The following SLC16A12 variants were observed in gnomAD, a reference collection of about 807,000 sequenced individuals.
The protein encoded by SLC16A12 is monocarboxylate transporter 12.
In SLC16A12, 17 loss-of-function variants were observed where a neutral mutation model predicts 42.4. The ratio of observed to expected loss-of-function variants is 0.40; its 90% CI spans 0.27 to 0.60. The LOEUF (loss-of-function observed/expected upper bound fraction) is 0.60, where lower values mean the gene tolerates loss of function less well. Ranked by LOEUF, SLC16A12 falls within the 20% of genes least tolerant of loss-of-function variation. The pLI is 0.42. For missense variants in SLC16A12, 544 were observed against 623.0 expected (o/e 0.87, Z 1.35); for synonymous variants, 224 against 229.4 (o/e 0.98, Z 0.21).
Position 89,535,055 on chromosome 10 carries a change from A to G in SLC16A12, c.-187+387T>C, listed in dbSNP as rs149881431. On this transcript the variant is annotated intron_variant, in intron 1 of 7. Coordinates refer to ENST00000371790, the MANE Select transcript of SLC16A12 (RefSeq NM_213606.4). The stretch of plus-strand genomic sequence containing the variant: ...GTTTTTAATATAGCACACACGGGAA[A>G]TAAATATTATTGTCTGAGGTGGGGG... Among the ~76,000 whole-genome samples the G allele has an allele frequency of 8.1e-3, 1,228 of 152,272 alleles. 15 individuals carry two copies. The highest frequency in any genetic ancestry group is 0.028 in the African/African-American group (1,179 of 41,544).
chr10:89,498,473 T>C (rs1467259628), intron 2 of SLC16A12, among the ~76,000 whole-genome samples: 3 of 152,162 alleles, frequency 2.0e-5, no homozygotes, highest in African/African-American at 7.2e-5. Flanking sequence ...ACAAATGAAG[T>C]TGAAAAACAA....
intron 3 of SLC16A12, among the ~76,000 whole-genome samples, chr10:89,455,197 A>G (rs751891273): frequency 6.6e-6 from 1 of 152,204 alleles, no homozygotes; most frequent in African/African-American, 2.4e-5. Flanking sequence ...CAGAAGCTGG[A>G]GATGTAAGAG....
intron 3 of SLC16A12, among the ~76,000 whole-genome samples, chr10:89,458,837 A>T (rs1358633658): frequency 1.3e-5 from 2 of 152,236 alleles, no homozygotes; most frequent in Admixed American, 1.3e-4. Flanking sequence ...ATCAGGATGG[A>T]TTATCCCCTT....
chr10:89,520,046 G>T (rs1248092557), intron 2 of SLC16A12, among the ~76,000 whole-genome samples: 1 of 151,422 alleles, frequency 6.6e-6, no homozygotes, highest in East Asian at 1.9e-4. Flanking sequence ...CTGGGAGGTG[G>T]AGGTTGCAGT....
chr10:89,481,418 T>C (rs1842658696), intron 2 of SLC16A12, among the ~76,000 whole-genome samples: 1 of 152,146 alleles, frequency 6.6e-6, no homozygotes, highest in African/African-American at 2.4e-5. Flanking sequence ...TCTATATATA[T>C]ATGTTTAGGT....
intron 6 of SLC16A12, 114 bp from the exon 7 acceptor site, chr10:89,436,433 C>T (rs1841787973): frequency 7.8e-7 from 1 of 1,288,702 alleles, no homozygotes; most frequent in African/African-American, 1.5e-5. Context: ...ATGGCTTTCC[C>T]ATTGTGTGTT....
intron 6 of SLC16A12, 126 bp from the exon 7 acceptor site, chr10:89,436,445 TG>T: frequency 8.9e-7 from 1 of 1,129,672 alleles, no homozygotes; most frequent in Non-Finnish European, 1.3e-6. Context: ...TTGTGTGTTA[TG>T]TATGCTGTCT....
intron 2 of SLC16A12, among the ~76,000 whole-genome samples, chr10:89,476,178 T>C (rs907615672): frequency 6.6e-6 from 1 of 152,202 alleles, no homozygotes; most frequent in Non-Finnish European, 1.5e-5. Flanking sequence ...CATCATTAAG[T>C]CAGATTATAT....
chr10:89,456,913 T>C (rs1282118393), intron 3 of SLC16A12, among the ~76,000 whole-genome samples: 1 of 152,176 alleles, frequency 6.6e-6, no homozygotes, highest in African/African-American at 2.4e-5. Context: ...AGTATATACA[T>C]AGTGGTATAT....
intron 2 of SLC16A12, among the ~76,000 whole-genome samples, chr10:89,463,857 T>C (rs1387640010): frequency 1.3e-5 from 2 of 152,202 alleles, no homozygotes; most frequent in African/African-American, 2.4e-5. Context: ...CAAAGCTCCC[T>C]GTGGTGGGCA....
At position 89,440,265 on chromosome 10, in the gene SLC16A12, G is replaced by A. The variant is rs77572529; in HGVS notation, c.448+843C>T. 2.4e-3 allele frequency among the ~76,000 whole-genome samples: 360 copies of A among 152,178 alleles called. 1 individual carries two copies. The highest frequency in any genetic ancestry group is 8.1e-3 in the African/African-American group (338 of 41,516). On this transcript the variant is annotated intron_variant, in intron 5 of 7. Transcript: ENST00000371790. ...GCAACCCAGAGTTGCCTGGACTGAG[G>A]GGTTTCTGGATGTGGGACTTCCAGT...
chr10:89,526,630 A>G (rs918993041), intron 2 of SLC16A12, among the ~76,000 whole-genome samples: 2 of 152,246 alleles, frequency 1.3e-5, no homozygotes, highest in African/African-American at 4.8e-5. Flanking sequence ...GTTTTGGCCA[A>G]GAAATCCTTT....
intron 2 of SLC16A12, among the ~76,000 whole-genome samples, chr10:89,499,911 CAAGAA>C (rs1842970669): frequency 6.6e-6 from 1 of 151,880 alleles, no homozygotes; most frequent in Non-Finnish European, 1.5e-5. Context: ...TAAGATTAAC[CAAGAA>C]AAGAAGAGAG....
intron 2 of SLC16A12, 170 bp from the exon 3 acceptor site, chr10:89,462,794 T>C: frequency 1.4e-6 from 1 of 705,800 alleles, no homozygotes; most frequent in Non-Finnish European, 2.1e-6. Context: ...GCTTTCTTTT[T>C]TAAAAATAAA....
intron 5 of SLC16A12, among the ~76,000 whole-genome samples, chr10:89,439,672 C>T (rs1270268316): frequency 6.6e-6 from 1 of 152,154 alleles, no homozygotes; most frequent in Admixed American, 6.5e-5. Context: ...TGGGAAACAT[C>T]ATGCCAATTT....
intron 2 of SLC16A12, among the ~76,000 whole-genome samples, chr10:89,494,914 A>G (rs1374729147): frequency 6.6e-6 from 1 of 152,224 alleles, no homozygotes. Flanking sequence ...GAAATGCTAC[A>G]TACTGTTCTT....
chr10:89,520,144 A>G (rs1453826592), intron 2 of SLC16A12, among the ~76,000 whole-genome samples: 3 of 152,086 alleles, frequency 2.0e-5, no homozygotes, highest in South Asian at 2.1e-4. Context: ...AGAAAAACGC[A>G]TATTTCTCAA....
chr10:89,518,247 G>C (rs1843289230), intron 2 of SLC16A12, among the ~76,000 whole-genome samples: 1 of 152,176 alleles, frequency 6.6e-6, no homozygotes, highest in South Asian at 2.1e-4. Flanking sequence ...AGCACAAATA[G>C]CTCTCCTTTC....
At chr10:89,472,345 G>C (rs570378957) in intron 2 of SLC16A12, among the ~76,000 whole-genome samples, 4 of 152,046 alleles carry the variant, frequency 2.6e-5, no homozygotes, top group African/African-American at 9.6e-5. Flanking sequence ...CTAAAAAAGA[G>C]AGAAAGAGAG....
Sources: gnomAD v4.1 joint callset for allele counts (sites outside exome capture counted in the v4.1 genomes callset) on GRCh38, gnomAD v4.1.1 for gene constraint, MANE v1.5 for transcripts, NCBI Gene and HGNC (gene_info 2026-07-23, HGNC 2026-07-21) for gene names.